The following CDK12 variants were observed in gnomAD, a reference collection of about 807,000 sequenced individuals.
The protein encoded by CDK12 is cyclin-dependent kinase 12.
A neutral mutation model predicts 133.8 loss-of-function variants in CDK12; 17 were observed. The observed-to-expected ratio is 0.13, with a 90% CI of 0.09 to 0.19. The LOEUF (loss-of-function observed/expected upper bound fraction) is 0.19, where lower values mean the gene tolerates loss of function less well. Among genes scored for constraint, CDK12 ranks in the 10% least tolerant of loss-of-function variants. The pLI is 1.00. For synonymous variants in CDK12, 694 were observed against 683.6 expected (o/e 1.02, Z -0.24); for missense variants, 1,508 against 1,818.7 (o/e 0.83, Z 3.11).
At chr17:39,474,576 A>G (rs2050037660) in intron 2 of CDK12, among the ~76,000 whole-genome samples, 2 of 152,092 alleles carry the variant, frequency 1.3e-5, no homozygotes, top group South Asian at 4.1e-4. Context: ...TGGCCTTCCA[A>G]AGTGTTGGGA....
At chr17:39,565,413 CTGTTTGTTTGTT>C (rs5820296), downstream of CDK12, among the ~76,000 whole-genome samples, 10 of 144,862 alleles carry the variant, frequency 6.9e-5, no homozygotes, top group African/African-American at 1.5e-4. Context: ...CGCACCCAGC[CTGTTTGTTTGTT>C]TGTTTGTTTG....
chr17:39,477,843 G>T (rs1168940515), intron 2 of CDK12, among the ~76,000 whole-genome samples: 1 of 151,962 alleles, frequency 6.6e-6, no homozygotes, highest in Non-Finnish European at 1.5e-5. Flanking sequence ...AAAGTGCTGG[G>T]ATTACAGGCG....
At chr17:39,466,636 AAAAAAAAAAAAAAAAAAAAGC>A (rs1183267336) in intron 1 of CDK12, among the ~76,000 whole-genome samples, 3 of 116,444 alleles carry the variant, frequency 2.6e-5, no homozygotes, top group African/African-American at 1.1e-4. Flanking sequence ...AAAAAAAAAA[AAAAAAAAAAAAAAAAAAAAGC>A]AGATGAATCT....
At chr17:39,499,303 G>A (rs1299461587) in intron 5 of CDK12, among the ~76,000 whole-genome samples, 1 of 149,326 alleles carries the variant, frequency 6.7e-6, no homozygotes, top group African/African-American at 2.5e-5. Flanking sequence ...CGCCTCCTGG[G>A]TTCAAGCGAT....
intron 6 of CDK12, among the ~76,000 whole-genome samples, chr17:39,502,561 C>G (rs185661776): frequency 6.6e-6 from 1 of 152,330 alleles, no homozygotes; most frequent in Admixed American, 6.5e-5. Flanking sequence ...TTACCTGGGA[C>G]TGTCCTGGTT....
At chr17:39,472,115 C>A (rs541877619) in intron 2 of CDK12, among the ~76,000 whole-genome samples, 20 of 152,098 alleles carry the variant, frequency 1.3e-4, no homozygotes, top group Non-Finnish European at 2.6e-4. Context: ...TCCCCAGCAG[C>A]TGGGACTACA....
chr17:39,480,888 A>G (rs1210824373), intron 2 of CDK12, among the ~76,000 whole-genome samples: 1 of 152,180 alleles, frequency 6.6e-6, no homozygotes, highest in East Asian at 1.9e-4. Flanking sequence ...ACATAGTACA[A>G]TCTACATGAC....
chr17:39,475,932 T>G (rs2050158652), intron 2 of CDK12, among the ~76,000 whole-genome samples: 1 of 152,072 alleles, frequency 6.6e-6, no homozygotes, highest in Admixed American at 6.6e-5. Context: ...AAAAGCCATA[T>G]TTTTATAGTT....
At chr17:39,522,487 T>C in intron 11 of CDK12, among the ~76,000 whole-genome samples, 1 of 151,956 alleles carries the variant, frequency 6.6e-6, no homozygotes, top group East Asian at 2.0e-4. Flanking sequence ...CAGGCTGGAG[T>C]GCAGTGGCAC....
At chr17:39,516,230 A>T (rs2053795371) in intron 9 of CDK12, among the ~76,000 whole-genome samples, 1 of 152,244 alleles carries the variant, frequency 6.6e-6, no homozygotes, top group Non-Finnish European at 1.5e-5. Context: ...GCATGTAAAT[A>T]GTTATAAAAT....
chr17:39,465,561 A>G (rs2049247099), intron 1 of CDK12, among the ~76,000 whole-genome samples: 2 of 151,680 alleles, frequency 1.3e-5, no homozygotes, highest in Admixed American at 6.6e-5. Flanking sequence ...ATCTCGGTTC[A>G]CTGCAACCTC....
intron 3 of CDK12, among the ~76,000 whole-genome samples, chr17:39,491,383 C>T (rs551479580): frequency 1.3e-5 from 2 of 152,092 alleles, no homozygotes; most frequent in African/African-American, 2.4e-5. Flanking sequence ...ATTACAGGCA[C>T]GTGCCACCAC....
chr17:39,563,353 A>T (rs956841985), intron 3 of CDK12, among the ~76,000 whole-genome samples: 3 of 151,322 alleles, frequency 2.0e-5, no homozygotes, highest in Non-Finnish European at 4.4e-5. Context: ...CAGGTGGGCT[A>T]GGGATACCCA....
chr17:39,535,260 G>T (rs1009029570), downstream of CDK12: 8 of 152,206 alleles, frequency 5.3e-5, no homozygotes, highest in African/African-American at 1.9e-4. Flanking sequence ...AGAAAGAAGG[G>T]CGATAGGTAT....
In CDK12 at chr17:39,461,510, T is replaced by G. The variant is rs963267098; in HGVS notation, c.-562T>G. On this transcript the variant is annotated 5_prime_UTR_variant, in exon 1 of 14. Coordinates refer to ENST00000447079, the MANE Select transcript of CDK12 (RefSeq NM_016507.4). The stretch of plus-strand genomic sequence containing the variant: ...CAAGTGCCGTTTCGGTTTAATCTAG[T>G]GTGTGACTGGGTCTGTGTGAGGGAG... 3 of 235,494 alleles carry G rather than the reference T, an allele frequency of 1.3e-5. No homozygotes were observed. Among genetic ancestry groups the G allele is most frequent in the Non-Finnish European group, 2.5e-5 (3 of 119,484 alleles). The allele number at this position is 235,494 out of a possible 1,614,324, so 14.6% of individuals were successfully genotyped here.
chr17:39,480,988 T>A (rs2050597248), intron 2 of CDK12, among the ~76,000 whole-genome samples: 2 of 151,970 alleles, frequency 1.3e-5, no homozygotes, highest in African/African-American at 4.8e-5. Flanking sequence ...GAGTGGTGGA[T>A]CACGCCTGTA....
At chr17:39,518,043 T>G (rs2053923952) in intron 10 of CDK12, among the ~76,000 whole-genome samples, 1 of 151,358 alleles carries the variant, frequency 6.6e-6, no homozygotes, top group African/African-American at 2.4e-5. Context: ...AGTGGCATGA[T>G]CTTGGCTCAC....
rs776000664 is a variant in CDK12, at chr17:39,525,859, A to G, written c.3308-5A>G. 2.0e-5 allele frequency: 33 copies of G among 1,610,722 alleles called. No individual in the cohort carries two copies. The highest frequency in any genetic ancestry group is 3.3e-5 in the Admixed American group (2 of 59,886). ...TCTTATATTGGCTTCACTGTCTTTC[A>G]ACAGGCCTTGCTGACATCACACAAC... On this transcript the variant is annotated splice_polypyrimidine_tract_variant and splice_region_variant and intron_variant, in intron 12 of 13. Coordinates refer to ENST00000447079, the MANE Select transcript of CDK12 (RefSeq NM_016507.4).
upstream of CDK12, among the ~76,000 whole-genome samples, chr17:39,548,460 G>A (rs1188725321): frequency 1.3e-5 from 2 of 152,302 alleles, no homozygotes; most frequent in African/African-American, 4.8e-5. Flanking sequence ...CGACCCAGAT[G>A]GTGGAGGTGC....
Sources: gnomAD v4.1 joint callset for allele counts (sites outside exome capture counted in the v4.1 genomes callset) on GRCh38, gnomAD v4.1.1 for gene constraint, MANE v1.5 for transcripts, NCBI Gene and HGNC (gene_info 2026-07-23, HGNC 2026-07-21) for gene names.